SIAE: variants seen among roughly 807,000 people sequenced by gnomAD.
SIAE encodes the protein sialic acid acetylesterase.
In SIAE, 39 loss-of-function variants were observed where a neutral mutation model predicts 52.6. The observed-to-expected ratio is 0.74, with a 90% CI of 0.57 to 0.97. The LOEUF is 0.97. Ranked by LOEUF, SIAE falls within the 50% of genes least tolerant of loss-of-function variation. The pLI is 0.00. For synonymous variants in SIAE, 233 were observed against 241.4 expected (o/e 0.97, Z 0.32); for missense variants, 592 against 662.1 (o/e 0.89, Z 1.16).
At chr11:124,671,241 C>T (rs1403135573) in intron 1 of SIAE, among the ~76,000 whole-genome samples, 1 of 152,188 alleles carries the variant, frequency 6.6e-6, no homozygotes, top group African/African-American at 2.4e-5. Context: ...AATCATATTA[C>T]TGATCAAGTA....
chr11:124,654,370 C>A, intron 4 of SIAE: 1 of 985,378 alleles, frequency 1.0e-6, no homozygotes, highest in Non-Finnish European at 1.2e-6. Context: ...GGAGTGAAGG[C>A]ATCGGCGAGA....
intron 2 of SIAE, among the ~76,000 whole-genome samples, chr11:124,664,482 C>T (rs974592574): frequency 6.6e-6 from 1 of 152,136 alleles, no homozygotes; most frequent in African/African-American, 2.4e-5. Flanking sequence ...GATCCACCCA[C>T]CTCAGTCTCC....
At chr11:124,650,777 A>T (rs1943005544) in intron 4 of SIAE, among the ~76,000 whole-genome samples, 2 of 152,220 alleles carry the variant, frequency 1.3e-5, no homozygotes, top group Non-Finnish European at 2.9e-5. Flanking sequence ...CTGTCTCAAA[A>T]AAATAAATAA....
intron 9 of SIAE, 81 bp from the exon 10 acceptor site, chr11:124,637,283 T>C (rs1942764930): frequency 6.3e-7 from 1 of 1,588,006 alleles, no homozygotes; most frequent in African/African-American, 1.3e-5. Flanking sequence ...TCAGACAGAA[T>C]GGATGGGAGG....
chr11:124,670,341 A>G lies in SIAE; in HGVS notation c.68-820T>C, dbSNP rs893509009. 2.0e-5 allele frequency among the ~76,000 whole-genome samples: 3 copies of G among 152,240 alleles called. No individual in the cohort carries two copies. The highest frequency in any genetic ancestry group is 7.2e-5 in the African/African-American group (3 of 41,464). ...TAGAGAGTCACTAACAAGACTGAAT[A>G]AGAACTCGCTTTAACGACATCATTC... On this transcript the variant is annotated intron_variant, in intron 1 of 9. Coordinates refer to ENST00000263593, the MANE Select transcript of SIAE (RefSeq NM_170601.5). The surrounding 1 kb of genome is among the most constrained non-coding windows in gnomAD (Gnocchi z 4.5).
In SIAE at chr11:124,670,793, T is replaced by C. The variant is rs1382952529; in HGVS notation, c.68-1272A>G. ...TGTGATCAAGAAACCTACATGACAA[T>C]GAAAGATCACCCAGAAGGCCTACTG... On this transcript the variant is annotated intron_variant, in intron 1 of 9. Transcript: ENST00000263593. This position sits in a 1 kb window ranked among gnomAD's most constrained non-coding sequence, Gnocchi z 4.5. Among the ~76,000 whole-genome samples, 2 of 152,080 alleles carry C rather than the reference T, an allele frequency of 1.3e-5. No individual in the cohort carries two copies. The highest frequency in any genetic ancestry group is 2.4e-5 in the African/African-American group (1 of 41,394).
At chr11:124,673,460 G>T (rs1591399818) in intron 1 of SIAE, among the ~76,000 whole-genome samples, 182 bp downstream of exon 1, 1 of 152,192 alleles carries the variant, frequency 6.6e-6, no homozygotes, top group African/African-American at 2.4e-5. Context: ...TGGAGAGGCC[G>T]GGGTTCAACC....
chr11:124,675,371 C>T (rs765768969), upstream of SIAE: 1 of 1,614,086 alleles, frequency 6.2e-7, no homozygotes, highest in East Asian at 2.2e-5. Flanking sequence ...GACAATATAC[C>T]AGCTTTTGCA....
At position 124,636,886 on chromosome 11, in the gene SIAE, A is replaced by C. The variant is rs1942751976; in HGVS notation, c.*65T>G. 4 of 1,608,376 alleles carry C rather than the reference A, an allele frequency of 2.5e-6. No individual in the cohort carries two copies. On this transcript the variant is annotated 3_prime_UTR_variant, in exon 10 of 10. Transcript: ENST00000263593. ...CTTTAAAAGCAATGGTTATTATTGA[A>C]ACTCCTAAATGCTAAAATCTGAAGG...
chr11:124,639,611 T>A, intron 8 of SIAE, 99 bp downstream of exon 8: 1 of 1,514,682 alleles, frequency 6.6e-7, no homozygotes, highest in Non-Finnish European at 9.1e-7. Flanking sequence ...GACTCTTAAG[T>A]GCCAATCCTC....
At chr11:124,643,301 G>A (rs111832785) in intron 7 of SIAE, among the ~76,000 whole-genome samples, 1,551 of 152,238 alleles carry the variant, frequency 0.01, 14 homozygotes, top group Non-Finnish European at 0.018. Context: ...TGAGGTCGGC[G>A]GGTAATGTGG....
At chr11:124,662,556 G>A (rs1251138920) in intron 2 of SIAE, among the ~76,000 whole-genome samples, 1 of 152,172 alleles carries the variant, frequency 6.6e-6, no homozygotes, top group African/African-American at 2.4e-5. Context: ...GGCTGGTGAA[G>A]AAAACTACCT....
intron 2 of SIAE, among the ~76,000 whole-genome samples, chr11:124,666,683 T>C (rs1367678139): frequency 2.6e-5 from 4 of 152,240 alleles, no homozygotes; most frequent in African/African-American, 9.6e-5. Flanking sequence ...GTGAGGCAGC[T>C]GGAGCATTAC....
At chr11:124,661,385 G>A (rs1048819905) in intron 2 of SIAE, among the ~76,000 whole-genome samples, 1 of 152,200 alleles carries the variant, frequency 6.6e-6, no homozygotes, top group African/African-American at 2.4e-5. Flanking sequence ...TCAAAAAGTA[G>A]TGGGAGGCAT....
rs371154089 is a variant in SIAE, at chr11:124,654,645, C to T, written c.544+10G>A. On this transcript the variant is annotated intron_variant, in intron 4 of 9. Coordinates refer to ENST00000263593, the MANE Select transcript of SIAE (RefSeq NM_170601.5). ...TATATAAGAGACAGCACGTTCAAGC[C>T]GTCACATACCTGAGGTGGGCTTAGA... The T allele has an allele frequency of 5.4e-5, 87 of 1,613,944 alleles. No homozygotes were observed. The highest frequency in any genetic ancestry group is 6.7e-5 in the Non-Finnish European group (79 of 1,179,970).
intron 2 of SIAE, among the ~76,000 whole-genome samples, chr11:124,666,576 T>A (rs1456369119): frequency 1.3e-5 from 2 of 152,244 alleles, no homozygotes; most frequent in East Asian, 3.8e-4. Flanking sequence ...ATCAACCTCT[T>A]TTCCTGTGAA....
chr11:124,643,614 G>A (rs755445674), intron 7 of SIAE, among the ~76,000 whole-genome samples: 15 of 152,118 alleles, frequency 9.9e-5, no homozygotes, highest in Non-Finnish European at 1.8e-4. Flanking sequence ...TCCTACTCCT[G>A]CAAAACACAC....
chr11:124,647,501 A>T lies in SIAE; in HGVS notation c.833-3T>A, dbSNP rs765544325. The stretch of plus-strand genomic sequence containing the variant: ...GTTATAATTTATATTGGACTCCCCT[A>T]AAAACAGTCCAAATTGTAAAGGGAG... On this transcript the variant is annotated splice_polypyrimidine_tract_variant and splice_region_variant and intron_variant, in intron 6 of 9. Coordinates refer to ENST00000263593, the MANE Select transcript of SIAE (RefSeq NM_170601.5). 6.2e-7 allele frequency: 1 copy of T among 1,614,058 alleles called. No homozygotes were observed. Among genetic ancestry groups the T allele is most frequent in the Non-Finnish European group, 8.5e-7 (1 of 1,179,982 alleles).
At chr11:124,655,299 C>A (rs1337774257) in intron 3 of SIAE, among the ~76,000 whole-genome samples, 14 of 151,994 alleles carry the variant, frequency 9.2e-5, no homozygotes, top group Non-Finnish European at 2.1e-4. Flanking sequence ...CCTCAGCCTC[C>A]CGAGTAGCTG....
Sources: allele counts gnomAD v4.1 joint callset (sites outside exome capture counted in the v4.1 genomes callset), GRCh38; gene constraint gnomAD v4.1.1; non-coding constraint Gnocchi (gnomAD v3.1); transcripts MANE v1.5; gene names NCBI Gene and HGNC (gene_info 2026-07-23, HGNC 2026-07-21).